Variants in CERS6 observed in about 807,000 individuals in gnomAD.
CERS6 encodes ceramide synthase 6.
CERS6 carries 26 observed loss-of-function variants against 56.8 expected under a neutral mutation model. The ratio of observed to expected loss-of-function variants is 0.46; its 90% CI spans 0.34 to 0.63. The LOEUF (loss-of-function observed/expected upper bound fraction) is 0.63. Ranked by LOEUF, CERS6 falls within the 30% of genes least tolerant of loss-of-function variation. CERS6 has a pLI of 0.01. For missense variants in CERS6, 415 were observed against 467.5 expected (o/e 0.89, Z 1.04); for synonymous variants, 164 against 173.3 (o/e 0.95, Z 0.42).
intron 4 of CERS6, among the ~76,000 whole-genome samples, chr2:168,682,442 A>G (rs977021155): frequency 1.3e-5 from 2 of 152,228 alleles, no homozygotes; most frequent in Non-Finnish European, 2.9e-5. Flanking sequence ...CGTAAAGTAC[A>G]CTGTATACCT....
In CERS6 at chr2:168,552,349, TACACACACACACACACACAC is replaced by T. The variant is rs56340726; in HGVS notation, c.276+4671_276+4690del. On this transcript the variant is annotated intron_variant, in intron 2 of 9. Transcript: ENST00000305747. ...AAACCCCCACCCTACATACAGAGTA[TACACACACACACACACACAC>T]ACACACACACACACACACACACTAC... Among the ~76,000 whole-genome samples the T allele has an allele frequency of 7.9e-5, 11 of 140,102 alleles. No individual in the cohort carries two copies. In the East Asian group the frequency reaches 1.1e-3, roughly 13 times the overall value. 91.9% of individuals were successfully genotyped at this position (140,102 alleles called of 152,430 possible).
intron 8 of CERS6, among the ~76,000 whole-genome samples, chr2:168,726,443 A>G (rs1165464381): frequency 2.6e-5 from 4 of 152,228 alleles, no homozygotes; most frequent in East Asian, 1.9e-4. Context: ...GCCCCAGTCA[A>G]GATAACATAT....
At chr2:168,702,715 A>G (rs1686835704) in intron 6 of CERS6, among the ~76,000 whole-genome samples, 1 of 152,260 alleles carries the variant, frequency 6.6e-6, no homozygotes, top group Admixed American at 6.5e-5. Context: ...GTAGCAGAAT[A>G]TAAAAAGTTT....
At chr2:168,745,677 C>T (rs948620064) in intron 8 of CERS6, among the ~76,000 whole-genome samples, 5 of 152,298 alleles carry the variant, frequency 3.3e-5, no homozygotes, top group East Asian at 1.9e-4. Flanking sequence ...ACAATTCAAA[C>T]TTAACAACTA....
At chr2:168,631,543 A>G (rs1447033637) in intron 4 of CERS6, among the ~76,000 whole-genome samples, 2 of 118,320 alleles carry the variant, frequency 1.7e-5, no homozygotes, top group African/African-American at 6.6e-5. Context: ...TATTAAATAT[A>G]TTATATTTTT....
chr2:168,716,881 C>T (rs756885214), intron 7 of CERS6, among the ~76,000 whole-genome samples: 3 of 152,010 alleles, frequency 2.0e-5, no homozygotes, highest in Admixed American at 6.5e-5. Flanking sequence ...AAATTATAGC[C>T]TCTGTGGATA....
intron 9 of CERS6, among the ~76,000 whole-genome samples, chr2:168,767,264 T>G (rs148478117): frequency 6.6e-6 from 1 of 152,374 alleles, no homozygotes; most frequent in Non-Finnish European, 1.5e-5. Flanking sequence ...AGATTCATCT[T>G]GACCATGAGT....
At chr2:168,558,507 A>G (rs1220366005) in intron 2 of CERS6, among the ~76,000 whole-genome samples, 1 of 152,250 alleles carries the variant, frequency 6.6e-6, no homozygotes, top group African/African-American at 2.4e-5. Context: ...GTATGCAACT[A>G]TTTTTGTGAC....
In CERS6 at chr2:168,523,357, C is replaced by G. The variant is rs113370387; in HGVS notation, c.171-24239C>G. Among the ~76,000 whole-genome samples, 257 of 151,836 alleles carry G rather than the reference C, an allele frequency of 1.7e-3. 3 individuals are homozygous for G. Among genetic ancestry groups the G allele is most frequent in the African/African-American group, 6.0e-3 (249 of 41,424 alleles). ...CCTTTCTAGTACCCCCAGTAAACTT[C>G]TCTACACCTGCTAGGGAAACAGAGA... On this transcript the variant is annotated intron_variant, in intron 1 of 9. Coordinates refer to ENST00000305747, the MANE Select transcript of CERS6 (RefSeq NM_203463.3).
chr2:168,488,408 A>G (rs1018731246), intron 1 of CERS6, among the ~76,000 whole-genome samples: 2 of 152,168 alleles, frequency 1.3e-5, no homozygotes, highest in South Asian at 2.1e-4. Flanking sequence ...TGATTATTAT[A>G]TGACGTAGTT....
intron 1 of CERS6, among the ~76,000 whole-genome samples, chr2:168,506,134 CTTG>C (rs1326293859): frequency 6.6e-6 from 1 of 152,152 alleles, no homozygotes. Flanking sequence ...CAGTCAGCAT[CTTG>C]TTGTTGAACT....
At chr2:168,750,692 A>G (rs1021237292) in intron 8 of CERS6, among the ~76,000 whole-genome samples, 1 of 152,226 alleles carries the variant, frequency 6.6e-6, no homozygotes, top group African/African-American at 2.4e-5. Context: ...GCTATTATAA[A>G]TAATATTGAA....
intron 4 of CERS6, among the ~76,000 whole-genome samples, chr2:168,690,158 C>CAGT (rs1305201267): frequency 3.3e-5 from 5 of 152,082 alleles, no homozygotes; most frequent in African/African-American, 1.2e-4. Flanking sequence ...TCCTATGATA[C>CAGT]AGGGCTGATG....
At chr2:168,701,692 C>T (rs372189459) in intron 6 of CERS6, among the ~76,000 whole-genome samples, 4 of 152,028 alleles carry the variant, frequency 2.6e-5, no homozygotes, top group Admixed American at 6.6e-5. Context: ...TTCATGGATG[C>T]TCAAGTCTTT....
At chr2:168,531,001 T>A (rs560643307) in intron 1 of CERS6, among the ~76,000 whole-genome samples, 1 of 152,168 alleles carries the variant, frequency 6.6e-6, no homozygotes, top group Admixed American at 6.5e-5. Flanking sequence ...TTTTCCACTT[T>A]TAAAAAATAA....
At chr2:168,700,124 T>C (rs1184219650) in intron 6 of CERS6, among the ~76,000 whole-genome samples, 2 of 152,226 alleles carry the variant, frequency 1.3e-5, no homozygotes, top group East Asian at 3.8e-4. Flanking sequence ...CTACATCTTA[T>C]AAAAGATTCC....
intron 4 of CERS6, among the ~76,000 whole-genome samples, chr2:168,676,747 G>A (rs906845512): frequency 2.6e-5 from 4 of 152,150 alleles, no homozygotes; most frequent in Non-Finnish European, 5.9e-5. Flanking sequence ...GTTTCTTCCC[G>A]CCTTTTTGCC....
At chr2:168,462,665 T>C (rs892254172) in intron 1 of CERS6, among the ~76,000 whole-genome samples, 26 of 152,176 alleles carry the variant, frequency 1.7e-4, no homozygotes, top group African/African-American at 6.0e-4. Context: ...ATCCTCCCAG[T>C]AGCTAGGACT....
At chr2:168,504,096 G>A (rs1410465057) in intron 1 of CERS6, among the ~76,000 whole-genome samples, 2 of 152,176 alleles carry the variant, frequency 1.3e-5, no homozygotes, top group Non-Finnish European at 2.9e-5. Flanking sequence ...TCAGTAAGAC[G>A]AGTGTCTTGT....
Sources: allele counts gnomAD v4.1 joint callset (sites outside exome capture counted in the v4.1 genomes callset), GRCh38; gene constraint gnomAD v4.1.1; transcripts MANE v1.5; gene names NCBI Gene and HGNC (gene_info 2026-07-23, HGNC 2026-07-21).